NXPE2: variants seen among roughly 807,000 people sequenced by gnomAD.
NXPE2 encodes NXPE family member 2.
NXPE2 carries 34 observed loss-of-function variants against 34.4 expected under a neutral mutation model. That is an observed-to-expected ratio of 0.99 (90% CI 0.75 to 1.31). The LOEUF (loss-of-function observed/expected upper bound fraction) is 1.31, where lower values mean the gene tolerates loss of function less well. NXPE2 is among the 40% of genes most tolerant of loss of function. The pLI is 0.00. For synonymous variants in NXPE2, 235 were observed against 231.3 expected (o/e 1.02, Z -0.15); for missense variants, 649 against 672.5 (o/e 0.97, Z 0.39).
chr11:114,694,640 C>G (rs1164907071), intron 2 of NXPE2, among the ~76,000 whole-genome samples: 2 of 151,768 alleles, frequency 1.3e-5, no homozygotes, highest in African/African-American at 4.8e-5. Context: ...CATGCTTTTT[C>G]TCTTGTTTTT....
the NXPE2 span, among the ~76,000 whole-genome samples, chr11:114,634,144 T>C: frequency 1.3e-5 from 2 of 151,668 alleles, no homozygotes; most frequent in African/African-American, 4.8e-5. Flanking sequence ...GACTTTTTAA[T>C]GATTGCCATT....
chr11:114,731,621 T>C, the NXPE2 span, among the ~76,000 whole-genome samples: 3 of 152,314 alleles, frequency 2.0e-5, no homozygotes, highest in East Asian at 5.8e-4. Flanking sequence ...AAGCCTCTCT[T>C]AAAAGTTTAC....
At chr11:114,734,915 T>G in the NXPE2 span, among the ~76,000 whole-genome samples, 2 of 152,164 alleles carry the variant, frequency 1.3e-5, no homozygotes, top group Non-Finnish European at 2.9e-5. Flanking sequence ...AAAACCATCC[T>G]GACTAACATG....
the NXPE2 span, among the ~76,000 whole-genome samples, chr11:114,535,038 C>T: frequency 2.0e-5 from 3 of 152,254 alleles, no homozygotes; most frequent in South Asian, 6.2e-4. Context: ...AGAGAAAGGT[C>T]GGGTTACCCA....
At chr11:114,577,075 TTATATATATAC>T in the NXPE2 span, among the ~76,000 whole-genome samples, 6 of 113,488 alleles carry the variant, frequency 5.3e-5, no homozygotes, top group South Asian at 2.9e-4. Context: ...ATATATAAAG[TTATATATATAC>T]ATATATATAT....
the NXPE2 span, among the ~76,000 whole-genome samples, chr11:114,791,177 G>A: frequency 1.6e-4 from 24 of 149,482 alleles, no homozygotes; most frequent in Middle Eastern, 3.5e-3. Context: ...GAATGATTCC[G>A]TTTGAAAAAA....
chr11:114,763,789 C>T, the NXPE2 span, among the ~76,000 whole-genome samples: 7 of 152,272 alleles, frequency 4.6e-5, no homozygotes, highest in East Asian at 1.3e-3. Context: ...AAATTAATTT[C>T]ACATTGATTT....
chr11:114,580,212 C>A, the NXPE2 span: 1 of 1,614,060 alleles, frequency 6.2e-7, no homozygotes, highest in Admixed American at 1.7e-5. Context: ...TCCTCTCAGG[C>A]ATTCCTTCAT....
chr11:114,710,885 T>A (rs756825395), downstream of NXPE2, among the ~76,000 whole-genome samples: 1 of 152,128 alleles, frequency 6.6e-6, no homozygotes, highest in Non-Finnish European at 1.5e-5. Flanking sequence ...ATTAAAAGCA[T>A]CATATACCAT....
the NXPE2 span, among the ~76,000 whole-genome samples, chr11:114,735,261 C>T: frequency 6.6e-6 from 1 of 152,092 alleles, no homozygotes; most frequent in South Asian, 2.1e-4. Flanking sequence ...ATCTATAAAT[C>T]TGAGTACAAT....
the NXPE2 span, among the ~76,000 whole-genome samples, chr11:114,664,149 G>T: frequency 6.6e-6 from 1 of 152,126 alleles, no homozygotes; most frequent in Non-Finnish European, 1.5e-5. Context: ...AATTAAACAA[G>T]CTGGGATATA....
chr11:114,465,317 T>TA, the NXPE2 span, among the ~76,000 whole-genome samples: 1 of 152,180 alleles, frequency 6.6e-6, no homozygotes, highest in Non-Finnish European at 1.5e-5. Flanking sequence ...GATACTGCAA[T>TA]AAAAAGATCT....
the NXPE2 span, among the ~76,000 whole-genome samples, chr11:114,789,128 G>C: frequency 1.3e-5 from 2 of 152,134 alleles, no homozygotes; most frequent in Non-Finnish European, 2.9e-5. Flanking sequence ...GGTGACTATG[G>C]TTAACAACAA....
the NXPE2 span, chr11:114,583,000 A>G: frequency 6.2e-7 from 1 of 1,612,792 alleles, no homozygotes; most frequent in Non-Finnish European, 8.5e-7. Flanking sequence ...AGGGAGATGG[A>G]TAAGTTTAGA....
chr11:114,483,379 C>G, the NXPE2 span, among the ~76,000 whole-genome samples: 2 of 152,148 alleles, frequency 1.3e-5, no homozygotes, highest in Non-Finnish European at 1.5e-5. Context: ...AGCTCTGTCA[C>G]TTATTTGCTG....
At chr11:114,558,061 G>A in the NXPE2 span, among the ~76,000 whole-genome samples, 52,718 of 151,574 alleles carry the variant, frequency 0.35, 9,468 homozygotes, top group East Asian at 0.66. Context: ...GCTCTCTGAC[G>A]CTTAACAGAT....
At chr11:114,581,982 A>G in the NXPE2 span, among the ~76,000 whole-genome samples, 1 of 152,246 alleles carries the variant, frequency 6.6e-6, no homozygotes, top group Non-Finnish European at 1.5e-5. Flanking sequence ...GGTATGCAAG[A>G]GAATTTGTTG....
the NXPE2 span, among the ~76,000 whole-genome samples, chr11:114,558,234 A>G: frequency 0.014 from 2,062 of 152,274 alleles, 38 homozygotes; most frequent in African/African-American, 0.046. Context: ...ATCCATATAT[A>G]TGCACATTCT....
chr11:114,664,693 G>T, the NXPE2 span, among the ~76,000 whole-genome samples: 1 of 152,114 alleles, frequency 6.6e-6, no homozygotes, highest in African/African-American at 2.4e-5. Flanking sequence ...CTCATAAAGT[G>T]GTGCAAAAGT....
Sources: allele counts gnomAD v4.1 joint callset (sites outside exome capture counted in the v4.1 genomes callset), GRCh38; gene constraint gnomAD v4.1.1; transcripts MANE v1.5; gene names NCBI Gene and HGNC (gene_info 2026-07-23, HGNC 2026-07-21).